RAET1L: variants seen among roughly 807,000 people sequenced by gnomAD.
RAET1L encodes the protein UL16-binding protein 6.
A neutral mutation model predicts 23.9 loss-of-function variants in RAET1L; 16 were observed. The ratio of observed to expected loss-of-function variants is 0.67; its 90% CI spans 0.45 to 1.02. The LOEUF (loss-of-function observed/expected upper bound fraction) is 1.02. Ranked by LOEUF, RAET1L falls within the 50% of genes least tolerant of loss-of-function variation. The pLI, the probability that RAET1L is intolerant of heterozygous loss-of-function variation, is 0.00. For missense variants in RAET1L, 233 were observed against 304.0 expected, an observed-to-expected ratio of 0.77 and a Z score of 1.74; for synonymous variants, 70 against 111.2, an observed-to-expected ratio of 0.63 and a Z score of 2.33.
chr6:150,023,966 A>G (rs1174166728), intron 1 of RAET1L, among the ~76,000 whole-genome samples: 1 of 152,102 alleles, frequency 6.6e-6, no homozygotes, highest in African/African-American at 2.4e-5. Context: ...GGTCATTAGG[A>G]AGATAGGCCC....
In RAET1L at chr6:150,020,934, A is replaced by G. The variant is rs777895563; in HGVS notation, c.602T>C (p.Met201Thr). 1.2e-6 allele frequency: 2 copies of G among 1,614,154 alleles called. No individual in the cohort carries two copies. Among genetic ancestry groups the G allele is most frequent in the Admixed American group, 1.7e-5 (1 of 60,024 alleles). The change falls in exon 3 of 5, where the codon ATG becomes ACG. Residue 201 changes from methionine (M) to threonine (T), a missense_variant. Around this residue, in one of 4 missense-constraint regions of RAET1L, gnomAD observed 139 missense variants for 125.3 expected, o/e 1.11. Transcript: ENST00000367341. Reference protein sequence around the residue: ...IGWLEDFLMGMDSTLEPSAGA... With the variant: ...IGWLEDFLMGTDSTLEPSAGA... ...TGCACTTGGCTCCAGGGTGCTGTCC[A>G]TGCCCATCAAGAAGTCCTCAAGCCA...
At chr6:150,023,176 C>A (rs1013181297) in intron 1 of RAET1L, among the ~76,000 whole-genome samples, 42 of 150,856 alleles carry the variant, frequency 2.8e-4, no homozygotes, top group African/African-American at 1.0e-3. Context: ...TTAGAGAAGT[C>A]ACAATGCCAG....
At chr6:150,023,795 C>T (rs1779913908) in intron 1 of RAET1L, among the ~76,000 whole-genome samples, 1 of 152,166 alleles carries the variant, frequency 6.6e-6, no homozygotes, top group South Asian at 2.1e-4. Context: ...CAACATTAAG[C>T]AGTGGCTCCT....
At chr6:150,025,202 G>A (rs976922620) in intron 1 of RAET1L, among the ~76,000 whole-genome samples, 185 bp downstream of exon 1, 1 of 152,178 alleles carries the variant, frequency 6.6e-6, no homozygotes, top group African/African-American at 2.4e-5. Flanking sequence ...GCCCCTACTG[G>A]GGCAAGAACA....
At position 150,022,152 on chromosome 6, in the gene RAET1L, C is replaced by A; in HGVS notation, c.177G>T (p.Lys59Asn). The A allele has an allele frequency of 1.3e-6, 2 of 1,597,846 alleles. No individual in the cohort carries two copies. The highest frequency in any genetic ancestry group is 8.5e-7 in the Non-Finnish European group (1 of 1,174,450). ...WCAVQGQVDE[K>N]TFLHYDCGNK... is the part of the protein sequence containing the mutation. ...TGCCACAGTCATAGTGAAGAAAAGT[C>A]TTTTCATCCACCTGGCCTTGAACCG... The change falls in exon 2 of 5, where the codon AAG (lysine) becomes AAT (asparagine). Residue 59 changes from lysine (K) to asparagine (N), a missense_variant. This residue lies in a region of RAET1L where 44 missense variants were observed against 107.4 expected (regional missense o/e 0.41). Coordinates refer to ENST00000367341, the MANE Select transcript of RAET1L (RefSeq NM_130900.3).
At chr6:150,025,248 G>A in intron 1 of RAET1L, 139 bp downstream of exon 1, 1 of 664,650 alleles carries the variant, frequency 1.5e-6, no homozygotes. Context: ...AGGAGCCCAG[G>A]AGGGGAACTG....
At chr6:150,020,694 G>A (rs1170298062) in intron 3 of RAET1L, among the ~76,000 whole-genome samples, 1 of 152,152 alleles carries the variant, frequency 6.6e-6, no homozygotes, top group African/African-American at 2.4e-5. Context: ...GCAGAAGCAA[G>A]TGCAGTGAGG....
intron 4 of RAET1L, among the ~76,000 whole-genome samples, chr6:150,019,158 T>C (rs1779856880): frequency 6.6e-6 from 1 of 152,066 alleles, no homozygotes; most frequent in Non-Finnish European, 1.5e-5. Flanking sequence ...GATGACAGGG[T>C]CTAAAACATG....
intron 3 of RAET1L, 83 bp from the exon 4 acceptor site, chr6:150,020,322 T>C: frequency 6.4e-7 from 1 of 1,567,004 alleles, no homozygotes; most frequent in South Asian, 1.1e-5. Flanking sequence ...CCACCCTAGG[T>C]CATCCTGGAA....
rs192551213 is a variant in RAET1L at position 150,018,350 on chromosome 6, C to A, written c.*528G>T. The stretch of plus-strand genomic sequence containing the variant: ...CTCAGTAGGTTTTTGGGAAATATAA[C>A]TCTTTATTTAAATATCAGTACACAG... On this transcript the variant is annotated 3_prime_UTR_variant, in exon 5 of 5. Coordinates refer to ENST00000367341, the MANE Select transcript of RAET1L (RefSeq NM_130900.3). 6.6e-6 allele frequency: 1 copy of A among 152,220 alleles called. No homozygotes were observed. Among genetic ancestry groups the A allele is most frequent in the Admixed American group, 6.5e-5 (1 of 15,292 alleles). 9.4% of individuals were successfully genotyped at this position (152,220 alleles called of 1,614,324 possible).
intron 4 of RAET1L, 138 bp from the exon 5 acceptor site, chr6:150,018,993 G>A (rs1446633760): frequency 1.1e-5 from 2 of 190,442 alleles, no homozygotes; most frequent in African/African-American, 4.8e-5. Flanking sequence ...CCCAACCCTG[G>A]CGACTGCAGC....
rs550841053 is a variant in RAET1L at position 150,021,521 on chromosome 6, G to A, written c.350-335C>T. 2.8e-5 allele frequency among the ~76,000 whole-genome samples: 4 copies of A among 144,734 alleles called. 1 individual carries two copies. The highest frequency in any genetic ancestry group is 6.1e-5 in the Non-Finnish European group (4 of 65,690). 95.0% of individuals were successfully genotyped at this position (144,734 alleles called of 152,430 possible). On this transcript the variant is annotated intron_variant, in intron 2 of 4. Transcript: ENST00000367341. ...TCACTGTGTTAACCAGGATGGTCTC[G>A]ATCTCTTGACCTTGTGATCCGCCTA...
At chr6:150,020,412 G>T (rs534896592) in intron 3 of RAET1L, among the ~76,000 whole-genome samples, 173 bp from the exon 4 acceptor site, 140 of 152,238 alleles carry the variant, frequency 9.2e-4, no homozygotes, top group African/African-American at 3.2e-3. Flanking sequence ...GACGGGGTGT[G>T]TCTTGTCCTC....
chr6:150,021,274 C>G (rs1779884613), intron 2 of RAET1L, 88 bp from the exon 3 acceptor site: 1 of 1,448,660 alleles, frequency 6.9e-7, no homozygotes, highest in Non-Finnish European at 9.5e-7. Flanking sequence ...GCCTTACTCT[C>G]TCTGCTACAT....
intron 1 of RAET1L, among the ~76,000 whole-genome samples, chr6:150,025,183 C>G (rs1298650185): frequency 6.6e-6 from 1 of 152,110 alleles, no homozygotes; most frequent in Non-Finnish European, 1.5e-5. Context: ...TTTCACCCTG[C>G]TCTTTTTCGC....
chr6:150,019,048 C>A (rs922816129), intron 4 of RAET1L, among the ~76,000 whole-genome samples, 193 bp from the exon 5 acceptor site: 3 of 152,200 alleles, frequency 2.0e-5, no homozygotes, highest in African/African-American at 7.2e-5. Context: ...AGAGTCAGCC[C>A]AGGCCCTGCA....
At chr6:150,023,907 T>C (rs565379326) in intron 1 of RAET1L, among the ~76,000 whole-genome samples, 2 of 152,244 alleles carry the variant, frequency 1.3e-5, no homozygotes, top group East Asian at 3.9e-4. Context: ...GGATGCCTAT[T>C]CCTGAAGGCC....
rs770145561 is a variant in RAET1L, at chr6:150,025,400, C to G, written c.72G>C (p.Arg24=). Residue 24 remains arginine, a synonymous_variant, in exon 1 of 5, where the codon CGG becomes CGC. Transcript: ENST00000367341. ...CCACCAGCTCACCGTCTCGCCTAGC[C>G]CGGGACCAGCCGAACAGCAGGAACA... is the stretch of plus-strand genomic sequence containing the variant. ...PLLFLLFGWS[R]ARRDDPHSLC... 1 of 1,613,958 alleles carries G rather than the reference C, an allele frequency of 6.2e-7. No homozygotes were observed. The highest frequency in any genetic ancestry group is 1.7e-5 in the Admixed American group (1 of 60,018).
intron 4 of RAET1L, 38 bp downstream of exon 4, chr6:150,020,070 C>T: frequency 2.5e-6 from 2 of 809,140 alleles, no homozygotes; most frequent in Non-Finnish European, 3.8e-6. Context: ...TCCTCACCCA[C>T]CTGCTCCTTG....
Sources: allele counts gnomAD v4.1 joint callset (sites outside exome capture counted in the v4.1 genomes callset), GRCh38; gene constraint gnomAD v4.1.1; regional missense constraint gnomAD v4.1.1; transcripts MANE v1.5; gene names NCBI Gene and HGNC (gene_info 2026-07-23, HGNC 2026-07-21).